SNX29: variants seen among roughly 807,000 people sequenced by gnomAD.
The protein encoded by SNX29 is sorting nexin-29.
A neutral mutation model predicts 102.1 loss-of-function variants in SNX29; 78 were observed. That is an observed-to-expected ratio of 0.76 (90% CI 0.64 to 0.92). The LOEUF (loss-of-function observed/expected upper bound fraction) is 0.92, where lower values mean the gene tolerates loss of function less well. Ranked by LOEUF, SNX29 falls within the 40% of genes least tolerant of loss-of-function variation. The pLI is 0.00. For synonymous variants in SNX29, 580 were observed against 414.5 expected (o/e 1.40, Z -4.85); for missense variants, 1,280 against 1,061.7 (o/e 1.21, Z -2.86).
chr16:12,567,318 T>G (rs182992656), intron 20 of SNX29, among the ~76,000 whole-genome samples: 1 of 152,380 alleles, frequency 6.6e-6, no homozygotes, highest in East Asian at 1.9e-4. Context: ...ACAGAGGTGC[T>G]GCGGACGCAG....
In SNX29 at chr16:12,074,785, G is replaced by A. The variant is rs376698745; in HGVS notation, c.1320-4048G>A. ...TTTCCAACTTGGTTCCATTCTCCCC[G>A]TCACTTTCAGGTACACCAATCAGAT... On this transcript the variant is annotated intron_variant, in intron 10 of 20. Transcript: ENST00000566228. Among the ~76,000 whole-genome samples the A allele has an allele frequency of 5.3e-5, 8 of 152,196 alleles. 1 individual carries two copies. Among genetic ancestry groups the A allele is most frequent in the East Asian group, 3.9e-4 (2 of 5,184 alleles).
chr16:12,227,131 A>C (rs1259841046), intron 14 of SNX29, among the ~76,000 whole-genome samples: 1 of 96,080 alleles, frequency 1.0e-5, no homozygotes, highest in Non-Finnish European at 2.1e-5. Flanking sequence ...CATGCAGTGC[A>C]TCTGGGGGTC....
At chr16:12,173,066 G>A (rs111906596) in intron 13 of SNX29, among the ~76,000 whole-genome samples, 260 of 152,318 alleles carry the variant, frequency 1.7e-3, no homozygotes, top group African/African-American at 5.7e-3. Flanking sequence ...AGGGTTGGAG[G>A]TTTTCTAAAC....
intron 14 of SNX29, among the ~76,000 whole-genome samples, chr16:12,241,303 C>G (rs77681021): frequency 6.6e-6 from 1 of 152,052 alleles, no homozygotes; most frequent in South Asian, 2.1e-4. Context: ...AAAATTGAAG[C>G]AAGAAGCCCT....
intron 13 of SNX29, among the ~76,000 whole-genome samples, chr16:12,156,281 C>G (rs940000803): frequency 1.3e-5 from 2 of 152,250 alleles, no homozygotes; most frequent in Admixed American, 6.5e-5. Context: ...TCAAGCGATT[C>G]TCCTGCCTCA....
chr16:12,446,163 G>T (rs191599331), intron 18 of SNX29, among the ~76,000 whole-genome samples: 26 of 147,498 alleles, frequency 1.8e-4, no homozygotes, highest in African/African-American at 6.3e-4. Context: ...TCAAGCAGTT[G>T]TTCAGCTTCT....
At chr16:12,171,000 C>T (rs1003827536) in intron 13 of SNX29, among the ~76,000 whole-genome samples, 6 of 151,958 alleles carry the variant, frequency 3.9e-5, no homozygotes, top group Non-Finnish European at 7.4e-5. Context: ...AGGGGCGCAG[C>T]GTGATTTTAC....
chr16:12,295,895 A>G (rs990909878), intron 15 of SNX29, among the ~76,000 whole-genome samples: 9 of 152,188 alleles, frequency 5.9e-5, no homozygotes, highest in Admixed American at 1.3e-4. Context: ...TTCTGCGCCC[A>G]GCGCTTTCAT....
chr16:12,137,209 C>T (rs186391298), intron 13 of SNX29, among the ~76,000 whole-genome samples: 9 of 152,326 alleles, frequency 5.9e-5, no homozygotes, highest in Admixed American at 3.3e-4. Flanking sequence ...AAGCACTCAG[C>T]ATAGCTCCAG....
At chr16:12,555,942 T>A (rs1215999367) in intron 20 of SNX29, among the ~76,000 whole-genome samples, 1 of 152,192 alleles carries the variant, frequency 6.6e-6, no homozygotes, top group Non-Finnish European at 1.5e-5. Flanking sequence ...TCTGTTTACA[T>A]CACACCAACT....
At chr16:12,463,817 A>AGTGTGTGTGTGTGT (rs143006476) in intron 18 of SNX29, among the ~76,000 whole-genome samples, 113 of 143,376 alleles carry the variant, frequency 7.9e-4, no homozygotes, top group East Asian at 1.6e-3. Flanking sequence ...TCCCGAAGTG[A>AGTGTGTGTGTGTGT]GTGTGTGTGT....
chr16:12,224,152 T>A (rs1381656835), intron 14 of SNX29, among the ~76,000 whole-genome samples: 1 of 152,192 alleles, frequency 6.6e-6, no homozygotes, highest in Non-Finnish European at 1.5e-5. Context: ...AAAATACTAC[T>A]CTACTTGAGT....
chr16:12,069,065 C>G lies in SNX29; in HGVS notation c.1252C>G (p.Leu418Val), dbSNP rs1055002162. Reference sequence around the variant, plus strand: ...TTGCTCTCTCTGCACAGATGCCCCCCTCGGAAGCCTGGAGAACGGGACAGG... The same window carrying G: ...TTGCTCTCTCTGCACAGATGCCCCCGTCGGAAGCCTGGAGAACGGGACAGG... ...VGSYSPADAP[L>V]GSLENGTGPE... Residue 418 changes from leucine to valine, a missense_variant, in exon 10 of 21, where the codon CTC (leucine) becomes GTC (valine). Coordinates refer to ENST00000566228, the MANE Select transcript of SNX29 (RefSeq NM_032167.5). The G allele has an allele frequency of 6.2e-7, 1 of 1,613,892 alleles. No homozygotes were observed. Among genetic ancestry groups the G allele is most frequent in the East Asian group, 2.2e-5 (1 of 44,880 alleles).
intron 18 of SNX29, among the ~76,000 whole-genome samples, chr16:12,426,472 G>A (rs2085084671): frequency 6.6e-6 from 1 of 152,178 alleles, no homozygotes; most frequent in Non-Finnish European, 1.5e-5. Flanking sequence ...ACAGGGAGGA[G>A]CCCTGCAGGA....
chr16:12,295,394 G>T (rs548857755), intron 15 of SNX29, among the ~76,000 whole-genome samples: 1 of 152,296 alleles, frequency 6.6e-6, no homozygotes, highest in East Asian at 1.9e-4. Flanking sequence ...ACTTTTTCTT[G>T]CCAAGTCGCC....
At chr16:12,562,357 T>G (rs1044088935) in intron 20 of SNX29, among the ~76,000 whole-genome samples, 11 of 149,912 alleles carry the variant, frequency 7.3e-5, no homozygotes, top group Non-Finnish European at 1.6e-4. Context: ...CCCCTTTATT[T>G]TTGCTTGCAC....
intron 18 of SNX29, among the ~76,000 whole-genome samples, chr16:12,459,388 T>G (rs1326039639): frequency 6.6e-6 from 1 of 151,620 alleles, no homozygotes; most frequent in Non-Finnish European, 1.5e-5. Flanking sequence ...AGGACTTTGA[T>G]TTTCCCAGCC....
At chr16:12,061,751 CACG>C in intron 9 of SNX29, 105 bp downstream of exon 9, 2 of 979,576 alleles carry the variant, frequency 2.0e-6, no homozygotes, top group Non-Finnish European at 3.1e-6. Context: ...AGCCGGGAGG[CACG>C]GGAGTCGGGG....
chr16:12,442,451 T>A (rs2085849601), intron 18 of SNX29, among the ~76,000 whole-genome samples: 4 of 152,334 alleles, frequency 2.6e-5, no homozygotes, highest in African/African-American at 9.6e-5. Context: ...TACAAGTGTT[T>A]GTTGTAAAGG....
Sources: allele counts gnomAD v4.1 joint callset (sites outside exome capture counted in the v4.1 genomes callset), GRCh38; gene constraint gnomAD v4.1.1; transcripts MANE v1.5; gene names NCBI Gene and HGNC (gene_info 2026-07-23, HGNC 2026-07-21).